The following DPYD variants were observed in gnomAD, a reference collection of about 807,000 sequenced individuals.
DPYD encodes the protein dihydropyrimidine dehydrogenase [NADP(+)].
In DPYD, 109 loss-of-function variants were observed where a neutral mutation model predicts 116.2. The observed-to-expected ratio is 0.94, with a 90% CI of 0.80 to 1.10. The LOEUF is 1.10. Ranked by LOEUF, DPYD falls within the 50% of genes least tolerant of loss-of-function variation. The pLI is 0.00. For missense variants in DPYD, 1,302 were observed against 1,254.5 expected (o/e 1.04, Z -0.57); for synonymous variants, 440 against 432.0 (o/e 1.02, Z -0.23).
At position 97,828,624 on chromosome 1, in the gene DPYD, C is replaced by T. The variant is rs1669370711; in HGVS notation, c.151-428G>A. On this transcript the variant is annotated intron_variant, in intron 2 of 22. Coordinates refer to ENST00000370192, the MANE Select transcript of DPYD (RefSeq NM_000110.4). ...AACAGTATACAATAAATACCAAGTT[C>T]TAAATAAGCTAGCATTGACTAAGAT... 3.3e-5 allele frequency among the ~76,000 whole-genome samples: 5 copies of T among 151,974 alleles called. No homozygotes were observed. The South Asian group carries it at 1.0e-3, about 32-fold the overall frequency.
chr1:97,496,873 GAACA>G lies in DPYD; in HGVS notation c.1740+18849_1740+18852del, dbSNP rs1476650011. The stretch of plus-strand genomic sequence containing the variant: ...TATACAATACATGATCTATAAAAAT[GAACA>G]AACAAATTACACAGAGTATAAAATA... On this transcript the variant is annotated intron_variant, in intron 13 of 22. Coordinates refer to ENST00000370192, the MANE Select transcript of DPYD (RefSeq NM_000110.4). Among the ~76,000 whole-genome samples, 3 of 151,752 alleles carry G rather than the reference GAACA, an allele frequency of 2.0e-5. No individual in the cohort carries two copies. The South Asian group carries it at 6.2e-4, about 32-fold the overall frequency.
chr1:97,768,813 G>C (rs1666002247), intron 3 of DPYD, among the ~76,000 whole-genome samples: 1 of 151,792 alleles, frequency 6.6e-6, no homozygotes, highest in African/African-American at 2.4e-5. Context: ...AAGGCTAAAT[G>C]AGAGAGCTCT....
At chr1:97,379,941 G>C (rs1180365757) in intron 15 of DPYD, among the ~76,000 whole-genome samples, 3 of 152,182 alleles carry the variant, frequency 2.0e-5, no homozygotes, top group Non-Finnish European at 4.4e-5. Context: ...TCCTTGTGAA[G>C]TTGTGGCCAG....
At chr1:97,538,862 C>T (rs4950042) in intron 12 of DPYD, among the ~76,000 whole-genome samples, 24,340 of 151,964 alleles carry the variant, frequency 0.16, 2,092 homozygotes, top group Admixed American at 0.21. Flanking sequence ...AATAATTCTG[C>T]CTCACAAGTT....
chr1:97,157,550 C>G (rs1484102188), intron 20 of DPYD, among the ~76,000 whole-genome samples: 1 of 152,114 alleles, frequency 6.6e-6, no homozygotes, highest in Non-Finnish European at 1.5e-5. Flanking sequence ...AGTTCTCTAT[C>G]CAAGACAACA....
intron 8 of DPYD, among the ~76,000 whole-genome samples, chr1:97,606,246 A>G (rs1655587381): frequency 6.6e-6 from 1 of 152,072 alleles, no homozygotes; most frequent in Admixed American, 6.6e-5. Context: ...TAGGTGATGA[A>G]GATACATAGA....
At chr1:97,637,322 TC>T (rs1022784452) in intron 8 of DPYD, among the ~76,000 whole-genome samples, 1 of 152,144 alleles carries the variant, frequency 6.6e-6, no homozygotes, top group Non-Finnish European at 1.5e-5. Flanking sequence ...CTTCCCCCAC[TC>T]CCCTACTAAG....
chr1:97,787,854 C>T (rs1370148056), intron 3 of DPYD, among the ~76,000 whole-genome samples: 1 of 152,152 alleles, frequency 6.6e-6, no homozygotes, highest in African/African-American at 2.4e-5. Flanking sequence ...ACATAAAGAT[C>T]ACTCTACCAT....
At chr1:97,610,977 GTA>G (rs768687529) in intron 8 of DPYD, among the ~76,000 whole-genome samples, 9 of 144,966 alleles carry the variant, frequency 6.2e-5, no homozygotes, top group East Asian at 1.9e-4. Context: ...TTGTGTGTGT[GTA>G]TATATATATG....
At chr1:97,666,383 T>C (rs988645376) in intron 8 of DPYD, among the ~76,000 whole-genome samples, 2 of 152,108 alleles carry the variant, frequency 1.3e-5, no homozygotes, top group Non-Finnish European at 1.5e-5. Flanking sequence ...GGTCTGGAAC[T>C]CTTGGCCTCA....
chr1:97,216,759 C>A (rs1356869572), intron 19 of DPYD, among the ~76,000 whole-genome samples: 1 of 152,140 alleles, frequency 6.6e-6, no homozygotes, highest in Non-Finnish European at 1.5e-5. Context: ...CACGCCACTG[C>A]ACCCCAGCCT....
intron 5 of DPYD, among the ~76,000 whole-genome samples, chr1:97,718,640 AT>A (rs1253493811): frequency 4.0e-5 from 6 of 151,750 alleles, no homozygotes; most frequent in Non-Finnish European, 8.8e-5. Flanking sequence ...TGCCTCCATA[AT>A]TTTTTAATCA....
chr1:97,228,848 T>C (rs72967843), intron 19 of DPYD, among the ~76,000 whole-genome samples: 1,543 of 152,130 alleles, frequency 0.01, 18 homozygotes, highest in African/African-American at 0.035. Flanking sequence ...AGGATGATGA[T>C]CAAGAGGCTA....
At chr1:97,586,832 G>T (rs939035282) in intron 10 of DPYD, among the ~76,000 whole-genome samples, 1 of 151,608 alleles carries the variant, frequency 6.6e-6, no homozygotes, top group Admixed American at 6.6e-5. Context: ...ATTGGCTGGG[G>T]ATACATTAAT....
chr1:97,872,344 C>T (rs1327575346), intron 2 of DPYD, among the ~76,000 whole-genome samples: 2 of 151,914 alleles, frequency 1.3e-5, no homozygotes, highest in African/African-American at 2.4e-5. Context: ...GAGCACCCTG[C>T]TTAACCATTA....
intron 13 of DPYD, among the ~76,000 whole-genome samples, chr1:97,461,911 C>G (rs928497868): frequency 2.0e-5 from 3 of 152,180 alleles, no homozygotes; most frequent in African/African-American, 7.2e-5. Flanking sequence ...ATTCTAAACT[C>G]CAAACTGCTT....
intron 2 of DPYD, among the ~76,000 whole-genome samples, chr1:97,844,270 T>A (rs1182071320): frequency 6.6e-6 from 1 of 152,210 alleles, no homozygotes; most frequent in African/African-American, 2.4e-5. Flanking sequence ...ACAGCTCCTA[T>A]AAGCTTTGTA....
chr1:97,268,514 G>C (rs1194539436), intron 18 of DPYD, among the ~76,000 whole-genome samples: 1 of 152,114 alleles, frequency 6.6e-6, no homozygotes, highest in Non-Finnish European at 1.5e-5. Flanking sequence ...GGTGGAGGGT[G>C]CCATGGCCCC....
chr1:97,141,668 T>A (rs1654236513), intron 20 of DPYD, among the ~76,000 whole-genome samples: 1 of 152,186 alleles, frequency 6.6e-6, no homozygotes, highest in Non-Finnish European at 1.5e-5. Flanking sequence ...TGTTTGTTCA[T>A]TTTTATCTCT....
Sources: allele counts gnomAD v4.1 joint callset (sites outside exome capture counted in the v4.1 genomes callset), GRCh38; gene constraint gnomAD v4.1.1; transcripts MANE v1.5; gene names NCBI Gene and HGNC (gene_info 2026-07-23, HGNC 2026-07-21).